Variants in GAN observed in about 807,000 individuals in gnomAD.
GAN encodes epididymis secretory sperm binding protein.
A neutral mutation model predicts 71.3 loss-of-function variants in GAN; 48 were observed. That is an observed-to-expected ratio of 0.67 (90% CI 0.53 to 0.86). The LOEUF (loss-of-function observed/expected upper bound fraction) is 0.86. Among genes scored for constraint, GAN ranks in the 40% least tolerant of loss-of-function variants. The pLI, the probability that GAN is intolerant of heterozygous loss-of-function variation, is 0.00. For missense variants in GAN, 928 were observed against 770.1 expected (o/e 1.21, Z -2.43); for synonymous variants, 386 against 276.8 (o/e 1.39, Z -3.92).
In GAN at chr16:81,337,894, T is replaced by C. The variant is rs558063144; in HGVS notation, c.168-13689T>C. On this transcript the variant is annotated intron_variant, in intron 1 of 10. Transcript: ENST00000648994. The stretch of plus-strand genomic sequence containing the variant: ...TGATGTGCAAGAAGTATATTATAAA[T>C]CCTTAAGTACTGATTGATTTGGCCA... Among the ~76,000 whole-genome samples, 82 of 152,290 alleles carry C rather than the reference T, an allele frequency of 5.4e-4. 1 individual carries two copies. Among genetic ancestry groups the C allele is most frequent in the Non-Finnish European group, 9.3e-4 (63 of 68,034 alleles).
chr16:81,345,940 G>A lies in GAN; in HGVS notation c.168-5643G>A, dbSNP rs188832104. Among the ~76,000 whole-genome samples, 13 of 152,266 alleles carry A rather than the reference G, an allele frequency of 8.5e-5. 1 individual carries two copies. The highest frequency in any genetic ancestry group is 3.1e-4 in the African/African-American group (13 of 41,548). On this transcript the variant is annotated intron_variant, in intron 1 of 10. Transcript: ENST00000648994. Reference sequence around the variant, plus strand: ...AATGTGCAATCTGGATCCTTCACATGCCCAGTTCACAATAGGGTTCGTGCT... The same window carrying A: ...AATGTGCAATCTGGATCCTTCACATACCCAGTTCACAATAGGGTTCGTGCT...
intron 6 of GAN, among the ~76,000 whole-genome samples, chr16:81,362,884 T>C (rs1910724662): frequency 6.6e-6 from 1 of 152,136 alleles, no homozygotes; most frequent in African/African-American, 2.4e-5. Context: ...GCCTGCCCCC[T>C]CCTCGCAGCA....
At chr16:81,332,944 T>C (rs1388650261) in intron 1 of GAN, among the ~76,000 whole-genome samples, 1 of 152,102 alleles carries the variant, frequency 6.6e-6, no homozygotes, top group Non-Finnish European at 1.5e-5. Flanking sequence ...TTAAGAGGTA[T>C]CCACTAGGTT....
In GAN at chr16:81,379,537, A is replaced by G. The variant is rs2150700308; in HGVS notation, c.*1941A>G. ...GTTGTCTGCACATTTTCGTAGTGAC[A>G]GTGTGGAGATCTTTTTAATGAAAGC... is the stretch of plus-strand genomic sequence containing the variant. On this transcript the variant is annotated 3_prime_UTR_variant, in exon 11 of 11. Transcript: ENST00000648994. 1 of 152,348 alleles carries G rather than the reference A, an allele frequency of 6.6e-6. No homozygotes were observed. The highest frequency in any genetic ancestry group is 1.9e-4 in the East Asian group (1 of 5,190). 9.4% of individuals were successfully genotyped at this position (152,348 alleles called of 1,614,324 possible).
At chr16:81,371,110 T>G (rs1226900385) in intron 9 of GAN, among the ~76,000 whole-genome samples, 2 of 152,156 alleles carry the variant, frequency 1.3e-5, no homozygotes, top group African/African-American at 4.8e-5. Flanking sequence ...TTATTTCAAA[T>G]TTATGTTAGT....
At chr16:81,351,411 T>G (rs1335468472) in intron 1 of GAN, among the ~76,000 whole-genome samples, 172 bp from the exon 2 acceptor site, 4 of 152,224 alleles carry the variant, frequency 2.6e-5, no homozygotes, top group Admixed American at 2.6e-4. Flanking sequence ...GACCAATGTT[T>G]TGTAGTTGAA....
chr16:81,357,358 T>C (rs576464475), intron 4 of GAN, among the ~76,000 whole-genome samples: 1 of 152,302 alleles, frequency 6.6e-6, no homozygotes, highest in Non-Finnish European at 1.5e-5. Flanking sequence ...TATGCGGTGT[T>C]TGGTTTTTTG....
In GAN at chr16:81,315,063, GGCCGGACGGTGTCGGGA is replaced by G; in HGVS notation, c.-43_-27del. 1.4e-6 allele frequency: 2 copies of G among 1,404,140 alleles called. No homozygotes were observed. The highest frequency in any genetic ancestry group is 3.0e-5 in the South Asian group (2 of 66,358). The allele number at this position is 1,404,140 out of a possible 1,614,324, so 87.0% of individuals were successfully genotyped here. ...AGGACTCGGGCCGCTCGAGGGGTCCGGCCGGACGGTGTCGGGAGCCGGACCCGTCGGCAGAGGAGCGG... is the reference window on the plus strand; with the variant it reads ...AGGACTCGGGCCGCTCGAGGGGTCCGGCCGGACCCGTCGGCAGAGGAGCGG... On this transcript the variant is annotated 5_prime_UTR_variant, in exon 1 of 11. Coordinates refer to ENST00000648994, the MANE Select transcript of GAN (RefSeq NM_022041.4).
chr16:81,330,650 G>A (rs1394821792), intron 1 of GAN, among the ~76,000 whole-genome samples: 2 of 152,190 alleles, frequency 1.3e-5, no homozygotes, highest in African/African-American at 2.4e-5. Context: ...CACAGTTATT[G>A]TTGCAGACAG....
intron 9 of GAN, among the ~76,000 whole-genome samples, chr16:81,373,902 C>T (rs998428937): frequency 6.6e-6 from 1 of 152,094 alleles, no homozygotes; most frequent in Non-Finnish European, 1.5e-5. Context: ...GCCACCATGC[C>T]CAGCTAATTT....
chr16:81,350,078 C>CT (rs928881887), intron 1 of GAN, among the ~76,000 whole-genome samples: 2,337 of 147,452 alleles, frequency 0.016, 64 homozygotes, highest in African/African-American at 0.055. Context: ...TTTAAGAAGT[C>CT]TTTTTTTTTT....
intron 1 of GAN, among the ~76,000 whole-genome samples, chr16:81,323,207 C>A (rs543180400): frequency 6.6e-6 from 1 of 152,140 alleles, no homozygotes; most frequent in Non-Finnish European, 1.5e-5. Flanking sequence ...AGACTTCTCT[C>A]GGGGTTTTTG....
At chr16:81,317,019 C>T (rs1357170475) in intron 1 of GAN, among the ~76,000 whole-genome samples, 1 of 152,142 alleles carries the variant, frequency 6.6e-6, no homozygotes, top group Non-Finnish European at 1.5e-5. Flanking sequence ...CCACCACGCC[C>T]GGATAATTTT....
At chr16:81,340,403 A>C (rs1022704739) in intron 1 of GAN, among the ~76,000 whole-genome samples, 1 of 152,232 alleles carries the variant, frequency 6.6e-6, no homozygotes, top group East Asian at 1.9e-4. Flanking sequence ...TCACACAGGC[A>C]GGTGCCCCTC....
In GAN at chr16:81,364,556, C is replaced by T. The variant is rs1205912660; in HGVS notation, c.1237-418C>T. Among the ~76,000 whole-genome samples, 3 of 152,290 alleles carry T rather than the reference C, an allele frequency of 2.0e-5. No homozygotes were observed. In the East Asian group the frequency reaches 5.8e-4, roughly 29 times the overall value. ...TAAATAAAGTTAGCCGGGCACAGTG[C>T]TGTGCACCTGTAGTCCCAGCTACCC... On this transcript the variant is annotated intron_variant, in intron 7 of 10. Coordinates refer to ENST00000648994, the MANE Select transcript of GAN (RefSeq NM_022041.4).
chr16:81,340,476 G>C (rs1909903972), intron 1 of GAN, among the ~76,000 whole-genome samples: 1 of 152,174 alleles, frequency 6.6e-6, no homozygotes, highest in African/African-American at 2.4e-5. Flanking sequence ...GTCTCCACTG[G>C]TGATACCCAG....
chr16:81,356,668 C>G, intron 3 of GAN, 117 bp from the exon 4 acceptor site: 1 of 797,574 alleles, frequency 1.3e-6, no homozygotes, highest in South Asian at 1.4e-5. Flanking sequence ...TCTCACTTGC[C>G]TGGTAATAAC....
Position 81,380,151 on chromosome 16 carries a change from G to A in GAN, c.*2555G>A, listed in dbSNP as rs548743695. On this transcript the variant is annotated 3_prime_UTR_variant, in exon 11 of 11. Transcript: ENST00000648994. ...TCTTTTGTAAATTACAGTTATTTCA[G>A]TATTGTAAAATAAATGTTGACTCAT... 4 of 152,520 alleles carry A rather than the reference G, an allele frequency of 2.6e-5. No homozygotes were observed. Among genetic ancestry groups the A allele is most frequent in the Admixed American group, 2.0e-4 (3 of 15,268 alleles). 9.4% of individuals were successfully genotyped at this position (152,520 alleles called of 1,614,324 possible).
chr16:81,381,051 G>A lies in GAN; in HGVS notation c.*3455G>A, dbSNP rs1476368340. On this transcript the variant is annotated 3_prime_UTR_variant, in exon 11 of 11. Transcript: ENST00000648994. ...CTTCCTTCATTGATGGCTTGGAAGTGTCATTTTTATAATTTATGAGTTGGG... is the reference window on the plus strand; with the variant it reads ...CTTCCTTCATTGATGGCTTGGAAGTATCATTTTTATAATTTATGAGTTGGG... 3 of 152,152 alleles carry A rather than the reference G, an allele frequency of 2.0e-5. No homozygotes were observed. Among genetic ancestry groups the A allele is most frequent in the African/African-American group, 7.2e-5 (3 of 41,430 alleles). The allele number at this position is 152,152 out of a possible 1,614,324, so 9.4% of individuals were successfully genotyped here. A position where few individuals can be genotyped will look rare whatever the true frequency, so the allele number is the denominator to read the frequency against.
Sources: allele counts gnomAD v4.1 joint callset (sites outside exome capture counted in the v4.1 genomes callset), GRCh38; gene constraint gnomAD v4.1.1; transcripts MANE v1.5; gene names NCBI Gene and HGNC (gene_info 2026-07-23, HGNC 2026-07-21).